The following ABCC11 variants were observed in gnomAD, a reference collection of about 807,000 sequenced individuals.
The protein encoded by ABCC11 is ATP binding cassette subfamily C member 11, also known as ATP-binding cassette sub-family C member 11.
A neutral mutation model predicts 149.3 loss-of-function variants in ABCC11; 135 were observed. The observed-to-expected ratio is 0.90, with a 90% CI of 0.79 to 1.04. ABCC11 has a LOEUF of 1.04. Ranked by LOEUF, ABCC11 falls within the 50% of genes least tolerant of loss-of-function variation. The pLI is 0.00. For synonymous variants in ABCC11, 665 were observed against 671.4 expected (o/e 0.99, Z 0.15); for missense variants, 1,680 against 1,722.1 (o/e 0.98, Z 0.43).
At chr16:48,192,393 G>T (rs1396670730) in intron 20 of ABCC11, 127 bp downstream of exon 20, 6 of 1,038,578 alleles carry the variant, frequency 5.8e-6, no homozygotes, top group Non-Finnish European at 6.8e-6. Flanking sequence ...GCCATGAGTG[G>T]AGATTGTGCC....
chr16:48,198,315 G>C, intron 15 of ABCC11, 40 bp from the exon 16 acceptor site: 1 of 1,585,988 alleles, frequency 6.3e-7, no homozygotes, highest in Non-Finnish European at 8.6e-7. Flanking sequence ...GTAAGCACAT[G>C]GAAAGATGTT....
chr16:48,194,087 G>A (rs1967170518), intron 18 of ABCC11, 105 bp from the exon 19 acceptor site: 2 of 782,666 alleles, frequency 2.6e-6, no homozygotes, highest in African/African-American at 1.7e-5. Context: ...GGAAACCCTT[G>A]AGCCCCACCC....
intron 26 of ABCC11, 35 bp from the exon 27 acceptor site, chr16:48,171,002 A>G: frequency 1.3e-6 from 2 of 1,532,106 alleles, no homozygotes. Flanking sequence ...GTTCAACAAC[A>G]TCACCCAGGC....
chr16:48,244,634 G>GC (rs1043389498), intron 1 of ABCC11: 1 of 1,347,194 alleles, frequency 7.4e-7, no homozygotes, highest in African/African-American at 1.5e-5. Context: ...AGGCCTGGCT[G>GC]CCCCCGCGGC....
chr16:48,171,753 C>A (rs1965737970), intron 26 of ABCC11, among the ~76,000 whole-genome samples: 1 of 152,132 alleles, frequency 6.6e-6, no homozygotes, highest in Non-Finnish European at 1.5e-5. Context: ...CACTTGAGGT[C>A]AGGAGTTTGA....
At chr16:48,196,192 T>G (rs768299764) in intron 18 of ABCC11, 40 bp downstream of exon 18, 1 of 1,602,470 alleles carries the variant, frequency 6.2e-7, no homozygotes. Context: ...GGGATAGGGC[T>G]GCTCCAAGAG....
chr16:48,205,898 C>G (rs1396412975), intron 12 of ABCC11, among the ~76,000 whole-genome samples: 1 of 151,958 alleles, frequency 6.6e-6, no homozygotes, highest in Non-Finnish European at 1.5e-5. Flanking sequence ...GCAAGCTCCA[C>G]CTCCCGGGTT....
intron 26 of ABCC11, among the ~76,000 whole-genome samples, chr16:48,174,117 AT>A (rs1285714283): frequency 6.6e-6 from 1 of 152,154 alleles, no homozygotes; most frequent in African/African-American, 2.4e-5. Context: ...CTCCCTTAGC[AT>A]TTTGTACATA....
intron 17 of ABCC11, among the ~76,000 whole-genome samples, chr16:48,197,237 T>C (rs1018307060): frequency 2.0e-5 from 3 of 151,902 alleles, no homozygotes; most frequent in African/African-American, 7.3e-5. Context: ...GGTACAAGAA[T>C]CTCTTGAACC....
chr16:48,231,222 C>G (rs991827340), intron 2 of ABCC11, among the ~76,000 whole-genome samples: 4 of 151,670 alleles, frequency 2.6e-5, no homozygotes, highest in African/African-American at 9.7e-5. Flanking sequence ...TGAGTAAATG[C>G]ATAGATAAAT....
In ABCC11 at chr16:48,171,732, G is replaced by A. The variant is rs558225464; in HGVS notation, c.3699-765C>T. Among the ~76,000 whole-genome samples, 7 of 152,302 alleles carry A rather than the reference G, an allele frequency of 4.6e-5. No homozygotes were observed. The South Asian group carries it at 1.2e-3, about 27-fold the overall frequency. ...TAATCCCAGCACTTTGGGAGGCTGA[G>A]GTGGGCAGAACACTTGAGGTCAGGA... is the stretch of plus-strand genomic sequence containing the variant. On this transcript the variant is annotated intron_variant, in intron 26 of 29. Coordinates refer to ENST00000356608, the MANE Select transcript of ABCC11 (RefSeq NM_001370497.1).
intron 2 of ABCC11, 41 bp from the exon 3 acceptor site, chr16:48,230,614 G>A (rs766209572): frequency 1.4e-5 from 21 of 1,502,084 alleles, no homozygotes; most frequent in Admixed American, 4.2e-5. Flanking sequence ...TTCAAATCTC[G>A]TAAATTCTGT....
At chr16:48,184,398 G>A (rs1389174056) in intron 23 of ABCC11, 42 bp downstream of exon 23, 8 of 1,594,232 alleles carry the variant, frequency 5.0e-6, no homozygotes, top group Non-Finnish European at 6.8e-6. Context: ...GGCAGAGGAT[G>A]AGCAAAGCTC....
In ABCC11 at chr16:48,205,472, C is replaced by T. The variant is rs1968355324; in HGVS notation, c.1746G>A (p.Trp582Ter). Residue 582 changes from tryptophan (W) to a stop codon, truncating the protein, a stop_gained, in exon 13 of 30, where the codon TGG (tryptophan) becomes TGA (stop). Coordinates refer to ENST00000356608, the MANE Select transcript of ABCC11 (RefSeq NM_001370497.1). LOFTEE classifies it high-confidence loss of function. ...TCTCCCTGATGTTCCCGCTGACGAT[C>T]CAGGCCTGCTGGGGGACATAGGCCA... ...GSLAYVPQQA[W>*]IVSGNIRENI... 2 of 1,614,198 alleles carry T rather than the reference C, an allele frequency of 1.2e-6. No homozygotes were observed.
intron 4 of ABCC11, among the ~76,000 whole-genome samples, chr16:48,226,129 T>A (rs1291727459): frequency 6.7e-6 from 1 of 150,078 alleles, no homozygotes; most frequent in Non-Finnish European, 1.5e-5. Context: ...CAGGCTGGAG[T>A]GCAGTGGCGC....
At chr16:48,227,772 A>C in intron 4 of ABCC11, 34 bp downstream of exon 4, 1 of 1,613,178 alleles carries the variant, frequency 6.2e-7, no homozygotes, top group African/African-American at 1.3e-5. Context: ...ATTGTCTTTT[A>C]ACCTATCCAC....
chr16:48,200,150 G>T, intron 15 of ABCC11, 126 bp downstream of exon 15: 1 of 965,334 alleles, frequency 1.0e-6, no homozygotes, highest in Non-Finnish European at 1.5e-6. Context: ...CCCAAATGTG[G>T]AGGAGTCTAA....
At chr16:48,244,466 C>T (rs1971220903) in intron 1 of ABCC11, 2 of 1,597,162 alleles carry the variant, frequency 1.3e-6, no homozygotes, top group Non-Finnish European at 1.7e-6. Flanking sequence ...TGCTGCCCGG[C>T]TCCACCATGC....
chr16:48,214,250 G>T lies in ABCC11; in HGVS notation c.1248+631C>A, dbSNP rs564767870. On this transcript the variant is annotated intron_variant, in intron 9 of 29. Coordinates refer to ENST00000356608, the MANE Select transcript of ABCC11 (RefSeq NM_001370497.1). ...CCTCTGAAAGTATTCCTTCTATAGCGCCCCCAACACCCTCAGACTTCTCGG... is the reference window on the plus strand; with the variant it reads ...CCTCTGAAAGTATTCCTTCTATAGCTCCCCCAACACCCTCAGACTTCTCGG... Among the ~76,000 whole-genome samples, 4 of 151,718 alleles carry T rather than the reference G, an allele frequency of 2.6e-5. No individual in the cohort carries two copies. The South Asian group carries it at 8.4e-4, about 32-fold the overall frequency.
Sources: allele counts gnomAD v4.1 joint callset (sites outside exome capture counted in the v4.1 genomes callset), GRCh38; gene constraint gnomAD v4.1.1; transcripts MANE v1.5; gene names NCBI Gene and HGNC (gene_info 2026-07-23, HGNC 2026-07-21).